Variants in PLXNA4 observed in about 807,000 individuals in gnomAD.
PLXNA4 encodes plexin-A4.
PLXNA4 carries 44 observed loss-of-function variants against 191.8 expected under a neutral mutation model. That is an observed-to-expected ratio of 0.23 (90% CI 0.18 to 0.29). The LOEUF (loss-of-function observed/expected upper bound fraction) is 0.29. Ranked by LOEUF, PLXNA4 falls within the 10% of genes least tolerant of loss-of-function variation. PLXNA4 has a pLI of 1.00. For synonymous variants in PLXNA4, 1,082 were observed against 1,009.5 expected (o/e 1.07, Z -1.36); for missense variants, 1,800 against 2,488.8 (o/e 0.72, Z 5.89).
At chr7:132,348,518 A>G (rs1302688555) in intron 3 of PLXNA4, among the ~76,000 whole-genome samples, 1 of 152,204 alleles carries the variant, frequency 6.6e-6, no homozygotes, top group Non-Finnish European at 1.5e-5. Flanking sequence ...ATGACACAGA[A>G]AGATCACCGT....
chr7:132,506,831 C>T (rs1798483471), intron 2 of PLXNA4, among the ~76,000 whole-genome samples: 1 of 152,222 alleles, frequency 6.6e-6, no homozygotes, highest in African/African-American at 2.4e-5. Context: ...TCCTGACTTT[C>T]TCACATGTCT....
chr7:132,538,007 C>T (rs767448319), intron 1 of PLXNA4, among the ~76,000 whole-genome samples: 3 of 152,208 alleles, frequency 2.0e-5, no homozygotes, highest in South Asian at 2.1e-4. Flanking sequence ...TGATCCTGCC[C>T]GACCCCAAAC....
chr7:132,333,853 G>A (rs1802697709), intron 3 of PLXNA4, among the ~76,000 whole-genome samples: 1 of 152,166 alleles, frequency 6.6e-6, no homozygotes, highest in South Asian at 2.1e-4. Flanking sequence ...TTGAGCGGGA[G>A]GGACTCATTC....
intron 16 of PLXNA4, among the ~76,000 whole-genome samples, chr7:132,183,226 G>A (rs906247935): frequency 5.3e-5 from 8 of 152,116 alleles, no homozygotes; most frequent in Admixed American, 1.3e-4. Context: ...GCATGTGCGT[G>A]CACACACAGT....
chr7:132,467,220 G>A, intron 3 of PLXNA4, among the ~76,000 whole-genome samples: 1 of 152,202 alleles, frequency 6.6e-6, no homozygotes, highest in African/African-American at 2.4e-5. Context: ...GCTCTGCAGA[G>A]TGGCTGGTCT....
At chr7:132,377,932 G>A (rs1804729611) in intron 3 of PLXNA4, among the ~76,000 whole-genome samples, 1 of 152,136 alleles carries the variant, frequency 6.6e-6, no homozygotes, top group East Asian at 1.9e-4. Context: ...GCCGCGAGCT[G>A]AAACTGTGGT....
At chr7:132,250,740 A>G (rs753233996) in intron 4 of PLXNA4, among the ~76,000 whole-genome samples, 22 of 152,180 alleles carry the variant, frequency 1.4e-4, no homozygotes, top group Non-Finnish European at 2.8e-4. Context: ...CACAGTTAAC[A>G]AGCTGAGAGG....
At chr7:132,287,289 G>A (rs1465845554) in intron 4 of PLXNA4, among the ~76,000 whole-genome samples, 1 of 152,132 alleles carries the variant, frequency 6.6e-6, no homozygotes, top group African/African-American at 2.4e-5. Context: ...GCCCGCCTTG[G>A]TCTCCCAAAG....
intron 3 of PLXNA4, among the ~76,000 whole-genome samples, chr7:132,421,263 TGTC>T (rs1329102771): frequency 1.3e-5 from 2 of 152,230 alleles, no homozygotes; most frequent in Non-Finnish European, 2.9e-5. Context: ...TTGTAGCATG[TGTC>T]AGAATGTCCT....
rs1199616676 is a variant in PLXNA4 at position 132,393,304 on chromosome 7, G to C, written c.1372-95082C>G. ...ATAAATCCCACTCCCCTGCCAGACT[G>C]TGTCTCTCATCTGATTATCAGCCCA... On this transcript the variant is annotated intron_variant, in intron 3 of 31. Coordinates refer to ENST00000321063, the MANE Select transcript of PLXNA4 (RefSeq NM_020911.2). 2.1e-5 allele frequency among the ~76,000 whole-genome samples: 3 copies of C among 145,324 alleles called. No individual in the cohort carries two copies. In the East Asian group the frequency reaches 6.5e-4, roughly 32 times the overall value.
intron 3 of PLXNA4, among the ~76,000 whole-genome samples, chr7:132,405,559 AG>A (rs1794185710): frequency 1.3e-5 from 2 of 152,162 alleles, no homozygotes; most frequent in African/African-American, 4.8e-5. Flanking sequence ...CGGTCCTCCC[AG>A]GGGAGGAGGT....
chr7:132,563,078 TCTCCTCCTCCTCTTCTTC>T (rs1262479952), intron 1 of PLXNA4, among the ~76,000 whole-genome samples: 6 of 25,316 alleles, frequency 2.4e-4, no homozygotes, highest in African/African-American at 7.6e-4. Flanking sequence ...TCCTCCTCCT[TCTCCTCCTCCTCTTCTTC>T]CTCCTCCTCC....
At chr7:132,543,259 G>A (rs1246420167) in intron 1 of PLXNA4, among the ~76,000 whole-genome samples, 1 of 152,178 alleles carries the variant, frequency 6.6e-6, no homozygotes, top group Non-Finnish European at 1.5e-5. Flanking sequence ...GCAAAGGCTG[G>A]TTTACTTGTA....
intron 1 of PLXNA4, among the ~76,000 whole-genome samples, chr7:132,514,331 A>G (rs156972): frequency 0.38 from 58,163 of 152,006 alleles, 11,225 homozygotes; most frequent in Middle Eastern, 0.45. Context: ...GATTACAGGC[A>G]TGAGCCACTG....
intron 10 of PLXNA4, among the ~76,000 whole-genome samples, chr7:132,203,664 C>T (rs1379125870): frequency 1.3e-5 from 2 of 152,202 alleles, no homozygotes; most frequent in Non-Finnish European, 2.9e-5. Context: ...TCCAAGCATG[C>T]CCCTGTGGAT....
At chr7:132,511,962 C>A (rs887441575) in intron 1 of PLXNA4, among the ~76,000 whole-genome samples, 1 of 152,214 alleles carries the variant, frequency 6.6e-6, no homozygotes, top group African/African-American at 2.4e-5. Flanking sequence ...CTGGGTCTCA[C>A]ACTGTCCATC....
chr7:132,385,240 T>C (rs753003028), intron 3 of PLXNA4: 1 of 1,614,124 alleles, frequency 6.2e-7, no homozygotes, highest in Non-Finnish European at 8.5e-7. Context: ...TGTTGCTCTG[T>C]GGGATCGGGG....
chr7:132,216,353 T>C (rs1797961575), intron 9 of PLXNA4, among the ~76,000 whole-genome samples: 1 of 152,214 alleles, frequency 6.6e-6, no homozygotes, highest in South Asian at 2.1e-4. Context: ...ATGGGGATAA[T>C]AATACCTGCA....
At chr7:132,467,567 C>T (rs1019172689) in intron 3 of PLXNA4, among the ~76,000 whole-genome samples, 3 of 152,226 alleles carry the variant, frequency 2.0e-5, no homozygotes, top group Non-Finnish European at 2.9e-5. Flanking sequence ...GTCCTAAGCA[C>T]ATCCTGTGCC....
Sources: allele counts gnomAD v4.1 joint callset (sites outside exome capture counted in the v4.1 genomes callset), GRCh38; gene constraint gnomAD v4.1.1; transcripts MANE v1.5; gene names NCBI Gene and HGNC (gene_info 2026-07-23, HGNC 2026-07-21).